Variants in CHRM2 observed in about 807,000 individuals in gnomAD.
CHRM2 encodes the protein cholinergic receptor muscarinic 2.
CHRM2 carries 8 observed loss-of-function variants against 25.0 expected under a neutral mutation model. The observed-to-expected ratio is 0.32, with a 90% confidence interval of 0.19 to 0.58. CHRM2 has a LOEUF of 0.58. Ranked by LOEUF, CHRM2 falls within the 20% of genes least tolerant of loss-of-function variation. CHRM2 has a pLI of 0.88. For synonymous variants in CHRM2, 202 were observed against 205.7 expected (o/e 0.98, Z 0.15); for missense variants, 440 against 567.1 (o/e 0.78, Z 2.28).
chr7:136,907,609 C>T (rs1417935273), intron 2 of CHRM2, among the ~76,000 whole-genome samples: 1 of 151,916 alleles, frequency 6.6e-6, no homozygotes, highest in Non-Finnish European at 1.5e-5. Context: ...CATTGTGCCT[C>T]TCTCTTGAGC....
intron 2 of CHRM2, among the ~76,000 whole-genome samples, chr7:136,987,486 G>A (rs1379281446): frequency 6.6e-6 from 1 of 152,214 alleles, no homozygotes; most frequent in Non-Finnish European, 1.5e-5. Context: ...GCTATGCCCA[G>A]TCTCCCTACT....
intron 2 of CHRM2, among the ~76,000 whole-genome samples, chr7:136,955,881 A>G (rs1800693475): frequency 6.6e-6 from 1 of 152,188 alleles, no homozygotes. Flanking sequence ...AAGTGTTATA[A>G]ATCACCATAT....
At chr7:136,981,179 A>G (rs1303235706) in intron 2 of CHRM2, among the ~76,000 whole-genome samples, 2 of 152,198 alleles carry the variant, frequency 1.3e-5, no homozygotes, top group Admixed American at 6.5e-5. Context: ...GGGAGGTTGT[A>G]TCTGTCCAGG....
chr7:136,928,653 C>A (rs1278295581), intron 2 of CHRM2, among the ~76,000 whole-genome samples: 4 of 152,066 alleles, frequency 2.6e-5, no homozygotes, highest in Non-Finnish European at 5.9e-5. Flanking sequence ...GAGAAGAATT[C>A]ACTTATGATT....
At chr7:137,002,427 C>T (rs914621302) in intron 3 of CHRM2, among the ~76,000 whole-genome samples, 4 of 151,766 alleles carry the variant, frequency 2.6e-5, no homozygotes, top group Non-Finnish European at 4.4e-5. Flanking sequence ...TTCTTTAGTC[C>T]CTCAGAAAGA....
Position 137,019,300 on chromosome 7 carries a change from T to C in CHRM2, c.*3034T>C, listed in dbSNP as rs932288958. 2.0e-5 allele frequency: 3 copies of C among 151,882 alleles called. No individual in the cohort carries two copies. Among genetic ancestry groups the C allele is most frequent in the Non-Finnish European group, 2.9e-5 (2 of 67,900 alleles). The allele number at this position is 151,882 out of a possible 1,614,324, so 9.4% of individuals were successfully genotyped here. ...GTCTGGTGTATGTGTCAGTCACAGA[T>C]TGGGAACTCAGGCCACATCTACATA... On this transcript the variant is annotated 3_prime_UTR_variant, in exon 4 of 4. Coordinates refer to ENST00000680005, the MANE Select transcript of CHRM2 (RefSeq NM_001006630.2).
intron 2 of CHRM2, among the ~76,000 whole-genome samples, chr7:136,967,958 C>A (rs892098978): frequency 6.6e-6 from 1 of 151,764 alleles, no homozygotes; most frequent in African/African-American, 2.4e-5. Flanking sequence ...ACACTTCATA[C>A]ACAAAACCAC....
chr7:136,910,061 G>A (rs1179878427), intron 2 of CHRM2, among the ~76,000 whole-genome samples: 1 of 151,852 alleles, frequency 6.6e-6, no homozygotes, highest in African/African-American at 2.4e-5. Flanking sequence ...TTTAGCCAAG[G>A]TGAGGGGTTG....
chr7:136,936,905 G>A (rs187656055), intron 2 of CHRM2, among the ~76,000 whole-genome samples: 11 of 152,218 alleles, frequency 7.2e-5, no homozygotes, highest in Non-Finnish European at 1.0e-4. Flanking sequence ...GAGACTTTGT[G>A]TTATTGTTCT....
At chr7:136,962,396 A>G (rs535308773) in intron 2 of CHRM2, among the ~76,000 whole-genome samples, 7 of 152,258 alleles carry the variant, frequency 4.6e-5, no homozygotes, top group South Asian at 2.1e-4. Context: ...CAGCCTCCCA[A>G]TGTGCTGGGA....
At chr7:136,933,885 T>C (rs1421224929) in intron 2 of CHRM2, among the ~76,000 whole-genome samples, 1 of 152,152 alleles carries the variant, frequency 6.6e-6, no homozygotes, top group Non-Finnish European at 1.5e-5. Context: ...GAAAGTAGAA[T>C]GGTGGTTGAG....
chr7:136,918,200 G>A (rs558065095), intron 2 of CHRM2, among the ~76,000 whole-genome samples: 1 of 152,022 alleles, frequency 6.6e-6, no homozygotes, highest in Admixed American at 6.6e-5. Context: ...GCCTTGGAAG[G>A]GTTTCTCAAG....
intron 3 of CHRM2, among the ~76,000 whole-genome samples, chr7:137,011,215 G>GTGTGTGTGTATATATATATATATATATA: frequency 3.0e-5 from 4 of 134,280 alleles, no homozygotes; most frequent in African/African-American, 1.3e-4. Flanking sequence ...GTGTGTGTGT[G>GTGTGTGTGTATATATATATATATATATA]TATATATATA....
At chr7:136,896,795 G>A (rs1385200090) in intron 2 of CHRM2, among the ~76,000 whole-genome samples, 4 of 152,070 alleles carry the variant, frequency 2.6e-5, no homozygotes, top group African/African-American at 9.7e-5. Flanking sequence ...TGTGGCTGCA[G>A]GCATTGGCAA....
intron 2 of CHRM2, among the ~76,000 whole-genome samples, chr7:136,919,011 TTTTG>T (rs1798276222): frequency 6.6e-6 from 1 of 152,120 alleles, no homozygotes. Flanking sequence ...TATTTGGAAC[TTTTG>T]TGTAGCTAGC....
intron 2 of CHRM2, among the ~76,000 whole-genome samples, chr7:136,905,503 CTCTGT>C (rs1797486764): frequency 6.6e-6 from 1 of 151,510 alleles, no homozygotes; most frequent in Non-Finnish European, 1.5e-5. Flanking sequence ...AACTATTTTT[CTCTGT>C]TCTGTTCAGT....
intron 2 of CHRM2, among the ~76,000 whole-genome samples, chr7:136,961,567 AT>A (rs1053954021): frequency 1.1e-4 from 17 of 152,148 alleles, no homozygotes; most frequent in African/African-American, 3.6e-4. Context: ...AAAATTTCTA[AT>A]TTTTTTTCAT....
intron 2 of CHRM2, among the ~76,000 whole-genome samples, chr7:136,906,194 C>T (rs897570713): frequency 6.7e-6 from 1 of 148,426 alleles, no homozygotes; most frequent in Admixed American, 6.7e-5. Context: ...TATGTATATA[C>T]GTATATATAT....
At chr7:136,962,915 T>C (rs1195249821) in intron 2 of CHRM2, among the ~76,000 whole-genome samples, 1 of 152,218 alleles carries the variant, frequency 6.6e-6, no homozygotes, top group Admixed American at 6.5e-5. Flanking sequence ...GGAATTATGG[T>C]GGATACAGTC....
Sources: allele counts gnomAD v4.1 joint callset (sites outside exome capture counted in the v4.1 genomes callset), GRCh38; gene constraint gnomAD v4.1.1; transcripts MANE v1.5; gene names NCBI Gene and HGNC (gene_info 2026-07-23, HGNC 2026-07-21).